HNRNPM: variants seen among roughly 807,000 people sequenced by gnomAD.
HNRNPM encodes the protein heterogeneous nuclear ribonucleoprotein M, also known as CEA receptor.
Under a neutral mutation model 73.1 loss-of-function variants are expected in HNRNPM, and 11 were observed. The observed-to-expected ratio is 0.15, with a 90% CI of 0.09 to 0.25. The LOEUF (loss-of-function observed/expected upper bound fraction) is 0.25, where lower values mean the gene tolerates loss of function less well. Among genes scored for constraint, HNRNPM ranks in the 10% least tolerant of loss-of-function variants. The pLI is 1.00. For synonymous variants in HNRNPM, 407 were observed against 355.2 expected, an observed-to-expected ratio of 1.15 and a Z score of -1.64; for missense variants, 789 against 1,067.9, an observed-to-expected ratio of 0.74 and a Z score of 3.64.
In HNRNPM at chr19:8,463,713, A is replaced by G. The variant is rs759728542; in HGVS notation, c.438+27A>G. 2.8e-6 allele frequency: 4 copies of G among 1,419,102 alleles called. No individual in the cohort carries two copies. In the African/African-American group the frequency reaches 5.6e-5, roughly 20 times the overall value. The allele number at this position is 1,419,102 out of a possible 1,614,324, so 87.9% of individuals were successfully genotyped here. ...TAAGCTCTTGCTTAACACTGCGGAT[A>G]CTGTGTGTAATTGTTGAGTGATCCT... On this transcript the variant is annotated intron_variant, in intron 5 of 15. Coordinates refer to ENST00000325495, the MANE Select transcript of HNRNPM (RefSeq NM_005968.5).
chr19:8,464,686 A>G (rs181189208), intron 5 of HNRNPM, among the ~76,000 whole-genome samples: 68 of 152,276 alleles, frequency 4.5e-4, no homozygotes, highest in Admixed American at 3.7e-3. Flanking sequence ...GAGGAAGATG[A>G]GTAGATTCAG....
chr19:8,485,721 C>T lies in HNRNPM; in HGVS notation c.1293C>T (p.Gly431=). The change falls in exon 14 of 16, where the codon GGC becomes GGT. Residue 431 remains glycine, a synonymous_variant. Coordinates refer to ENST00000325495, the MANE Select transcript of HNRNPM (RefSeq NM_005968.5). ...TGGGCCACGGCATGGATCGCGTGGGCTCCGAGATCGAGCGCATGGGCCTGG... is the reference window on the plus strand; with the variant it reads ...TGGGCCACGGCATGGATCGCGTGGGTTCCGAGATCGAGCGCATGGGCCTGG... The part of the protein sequence containing the change: ...AGLGHGMDRV[G]SEIERMGLVM... 6.2e-7 allele frequency: 1 copy of T among 1,606,592 alleles called. No homozygotes were observed. Among genetic ancestry groups the T allele is most frequent in the Non-Finnish European group, 8.5e-7 (1 of 1,179,560 alleles).
chr19:8,462,744 A>G lies in HNRNPM; in HGVS notation c.336+163A>G, dbSNP rs1969483680. Among the ~76,000 whole-genome samples, 1 of 152,164 alleles carries G rather than the reference A, an allele frequency of 6.6e-6. No homozygotes were observed. The highest frequency in any genetic ancestry group is 2.4e-5 in the African/African-American group (1 of 41,432). ...GAGTGGGGTGGGAGGGGATTTGCAA[A>G]TGGGAGTCCCGCTTTTCCAAATGGC... is the stretch of plus-strand genomic sequence containing the variant. On this transcript the variant is annotated intron_variant, in intron 3 of 15. Coordinates refer to ENST00000325495, the MANE Select transcript of HNRNPM (RefSeq NM_005968.5). The surrounding 1 kb of genome is among the most constrained non-coding windows in gnomAD (Gnocchi z 4.5).
chr19:8,471,129 A>G (rs1337400810), intron 9 of HNRNPM, among the ~76,000 whole-genome samples, 197 bp from the exon 10 acceptor site: 9 of 151,572 alleles, frequency 5.9e-5, no homozygotes, highest in Non-Finnish European at 1.0e-4. Flanking sequence ...TTGTATACAC[A>G]CATATCCCAA....
chr19:8,445,303 C>T (rs558496077), intron 1 of HNRNPM, 192 bp downstream of exon 1: 101 of 452,732 alleles, frequency 2.2e-4, no homozygotes, highest in African/African-American at 1.9e-3. Context: ...AGAATCGTCC[C>T]CTACACCGGG....
At chr19:8,466,715 A>G (rs752162587) in intron 7 of HNRNPM, among the ~76,000 whole-genome samples, 3 of 148,642 alleles carry the variant, frequency 2.0e-5, no homozygotes, top group Non-Finnish European at 4.5e-5. Context: ...AATCCCAGCT[A>G]CTCGGGAGGC....
chr19:8,465,467 C>A lies in HNRNPM; in HGVS notation c.582C>A (p.Ile194=), dbSNP rs1256486525. The change falls in exon 6 of 16, where the codon ATC becomes ATA. Residue 194 remains isoleucine, a synonymous_variant. Coordinates refer to ENST00000325495, the MANE Select transcript of HNRNPM (RefSeq NM_005968.5). ...LNNPNIPNEI[I]HALQAGRLGS... Reference sequence around the variant, plus strand: ...ATCCCAACATCCCAAATGAGATTATCCATGCATTACAGGCTGGAAGACTTG... The same window carrying A: ...ATCCCAACATCCCAAATGAGATTATACATGCATTACAGGCTGGAAGACTTG... 2 of 1,613,116 alleles carry A rather than the reference C, an allele frequency of 1.2e-6. No homozygotes were observed. The highest frequency in any genetic ancestry group is 1.7e-5 in the Admixed American group (1 of 59,906).
At chr19:8,457,261 T>A (rs1165611249) in intron 2 of HNRNPM, among the ~76,000 whole-genome samples, 2 of 152,202 alleles carry the variant, frequency 1.3e-5, no homozygotes, top group Admixed American at 1.3e-4. Flanking sequence ...GTAATTCGGT[T>A]TGGGAAACCT....
At chr19:8,460,437 C>T (rs991250233) in intron 2 of HNRNPM, among the ~76,000 whole-genome samples, 2 of 152,190 alleles carry the variant, frequency 1.3e-5, no homozygotes, top group Non-Finnish European at 2.9e-5. Flanking sequence ...GCTGGACCCC[C>T]GGGTGACTGC....
intron 12 of HNRNPM, among the ~76,000 whole-genome samples, chr19:8,477,830 C>A (rs1461975590): frequency 7.2e-5 from 11 of 152,306 alleles, no homozygotes; most frequent in Admixed American, 2.0e-4. Flanking sequence ...AGGGCACAGG[C>A]TTCTGTATTA....
At chr19:8,472,674 C>T (rs909512513) in intron 10 of HNRNPM, among the ~76,000 whole-genome samples, 6 of 152,222 alleles carry the variant, frequency 3.9e-5, no homozygotes, top group Non-Finnish European at 7.3e-5. Flanking sequence ...TCTCTGCCTC[C>T]TGGGTTCAAG....
At chr19:8,479,022 A>AT (rs202192441) in intron 12 of HNRNPM, among the ~76,000 whole-genome samples, 1,932 of 106,676 alleles carry the variant, frequency 0.018, 34 homozygotes, top group African/African-American at 0.063. Context: ...CAGAGAAATT[A>AT]TTTTTTCAGT....
chr19:8,487,158 A>G (rs902536303), intron 15 of HNRNPM, 83 bp downstream of exon 15: 11 of 1,172,462 alleles, frequency 9.4e-6, no homozygotes, highest in African/African-American at 1.5e-5. Context: ...CCTCCCTCCC[A>G]GCCCCCTCCG....
At chr19:8,483,077 C>A in intron 12 of HNRNPM, 81 bp from the exon 13 acceptor site, 1 of 855,144 alleles carries the variant, frequency 1.2e-6, no homozygotes, top group Non-Finnish European at 1.9e-6. Context: ...AGTAGTATTT[C>A]TACTCTGGAA....
intron 7 of HNRNPM, 48 bp downstream of exon 7, chr19:8,466,436 CTG>C (rs762774427): frequency 3.3e-5 from 53 of 1,585,164 alleles, no homozygotes; most frequent in Middle Eastern, 3.3e-4. Flanking sequence ...ACCTAAATTG[CTG>C]TGTTAGTAAT....
At chr19:8,469,311 G>A (rs1969973647) in intron 9 of HNRNPM, among the ~76,000 whole-genome samples, 2 of 152,200 alleles carry the variant, frequency 1.3e-5, no homozygotes, top group South Asian at 4.1e-4. Context: ...ATGCATAAAG[G>A]CAGAAAGTAG....
At chr19:8,485,387 T>C (rs558405748) in intron 13 of HNRNPM, among the ~76,000 whole-genome samples, 1 of 152,264 alleles carries the variant, frequency 6.6e-6, no homozygotes, top group South Asian at 2.1e-4. Flanking sequence ...GTTATGGAAA[T>C]CTCAGCTGTG....
At position 8,445,039 on chromosome 19, in the gene HNRNPM, C is replaced by G; in HGVS notation, c.41C>G (p.Thr14Arg). 3 of 1,427,764 alleles carry G rather than the reference C, an allele frequency of 2.1e-6. No homozygotes were observed. The highest frequency in any genetic ancestry group is 1.6e-5 in the South Asian group (1 of 62,902). 88.4% of individuals were successfully genotyped at this position (1,427,764 alleles called of 1,614,324 possible). ...GAAGCGGCGGCGGAGGTGGCGGCGA[C>G]GGAGATCAAAATGGAGGAAGAGAGC... ...GVEAAAEVAA[T>R]EIKMEEESGA... The change falls in exon 1 of 16, where the codon ACG becomes AGG. Residue 14 changes from threonine (T) to arginine (R), a missense_variant. This residue lies in a region of HNRNPM where 79 missense variants were observed against 70.7 expected (regional missense o/e 1.12). Coordinates refer to ENST00000325495, the MANE Select transcript of HNRNPM (RefSeq NM_005968.5).
At chr19:8,471,240 C>G (rs1188083573) in intron 9 of HNRNPM, 86 bp from the exon 10 acceptor site, 3 of 744,258 alleles carry the variant, frequency 4.0e-6, no homozygotes, top group Non-Finnish European at 6.4e-6. Flanking sequence ...AAGTGGATAG[C>G]TGCAACTCAC....
Sources: allele counts gnomAD v4.1 joint callset (sites outside exome capture counted in the v4.1 genomes callset), GRCh38; gene constraint gnomAD v4.1.1; regional missense constraint gnomAD v4.1.1; non-coding constraint Gnocchi (gnomAD v3.1); transcripts MANE v1.5; gene names NCBI Gene and HGNC (gene_info 2026-07-23, HGNC 2026-07-21).